LAMC1: variants seen among roughly 807,000 people sequenced by gnomAD.
LAMC1 encodes laminin subunit gamma-1.
Under a neutral mutation model 173.6 loss-of-function variants are expected in LAMC1, and 38 were observed. The ratio of observed to expected loss-of-function variants is 0.22; its 90% CI spans 0.17 to 0.29. The LOEUF (loss-of-function observed/expected upper bound fraction) is 0.29. Among genes scored for constraint, LAMC1 ranks in the 10% least tolerant of loss-of-function variants. The pLI is 1.00. For missense variants in LAMC1, 1,824 were observed against 2,051.8 expected (o/e 0.89, Z 2.14); for synonymous variants, 746 against 749.1 (o/e 1.00, Z 0.07).
rs1332993525 is a variant in LAMC1 at position 183,023,786 on chromosome 1, C to T, written c.70C>T (p.Leu24=). ...GCGGCTCTGGCCCGTGCTGGCCGTG[C>T]TGGCGGCGGCCGCCGCGGCGGGCTG... The part of the protein sequence containing the change: ...RGRLWPVLAV[L]AAAAAAGCAQ... Residue 24 remains leucine, a synonymous_variant, in exon 1 of 28, where the codon CTG becomes TTG. Transcript: ENST00000258341. The T allele has an allele frequency of 6.8e-7, 1 of 1,476,602 alleles. No homozygotes were observed. The highest frequency in any genetic ancestry group is 2.5e-5 in the Admixed American group (1 of 39,640). The allele number at this position is 1,476,602 out of a possible 1,614,324, so 91.5% of individuals were successfully genotyped here.
intron 26 of LAMC1, among the ~76,000 whole-genome samples, chr1:183,139,514 C>T (rs1048556265): frequency 6.6e-6 from 1 of 152,192 alleles, no homozygotes; most frequent in African/African-American, 2.4e-5. Context: ...AGGACAGCTG[C>T]CGTTTGGACA....
rs1224188506 is a variant in LAMC1, at chr1:183,098,968, C to T, written c.419-4360C>T. On this transcript the variant is annotated intron_variant, in intron 1 of 27. Transcript: ENST00000258341. ...AACAAAAAAGAAAAGAAAAGTCTTT[C>T]CTTGGCCCTGTAACCCTTCCAAATA... is the stretch of plus-strand genomic sequence containing the variant. Among the ~76,000 whole-genome samples the T allele has an allele frequency of 2.0e-5, 3 of 152,292 alleles. No individual in the cohort carries two copies. In the East Asian group the frequency reaches 5.8e-4, roughly 29 times the overall value.
At chr1:183,097,223 G>A (rs896684520) in intron 1 of LAMC1, among the ~76,000 whole-genome samples, 1 of 152,206 alleles carries the variant, frequency 6.6e-6, no homozygotes, top group African/African-American at 2.4e-5. Context: ...TACTGTTTGT[G>A]TTAACTGTTT....
intron 1 of LAMC1, among the ~76,000 whole-genome samples, chr1:183,081,074 A>G (rs1042708849): frequency 6.6e-6 from 1 of 151,624 alleles, no homozygotes. Flanking sequence ...TTCTTAGTAG[A>G]GATGGGATTT....
intron 22 of LAMC1, 97 bp from the exon 23 acceptor site, chr1:183,134,563 A>G: frequency 1.1e-6 from 1 of 932,102 alleles, no homozygotes; most frequent in Non-Finnish European, 1.6e-6. Flanking sequence ...TTTTAAAAAT[A>G]TCATTGAGTA....
intron 1 of LAMC1, among the ~76,000 whole-genome samples, chr1:183,071,553 C>T (rs902108443): frequency 9.1e-6 from 1 of 109,520 alleles, no homozygotes; most frequent in African/African-American, 3.0e-5. Flanking sequence ...AGTTTGTGGT[C>T]ATTTGGGACA....
In LAMC1 at chr1:183,103,507, G is replaced by A. The variant is rs754467490; in HGVS notation, c.598G>A (p.Glu200Lys). The change falls in exon 2 of 28, where the codon GAG becomes AAG. Residue 200 changes from glutamate to lysine, a missense_variant. By Grantham distance (56) the Glu-to-Lys change is moderately conservative. Transcript: ENST00000258341. ...NRGFIRTGGDEQQALCTDEFS... is the reference protein window; with the variant it reads ...NRGFIRTGGDKQQALCTDEFS... ...CGGCTTCATCAGGACAGGAGGGGAC[G>A]AGCAGCAGGCCTTGTGTACTGATGA... 1.4e-5 allele frequency: 22 copies of A among 1,614,064 alleles called. No homozygotes were observed. The South Asian group carries it at 1.4e-4, about 10-fold the overall frequency.
intron 1 of LAMC1, among the ~76,000 whole-genome samples, chr1:183,102,100 G>A (rs1240062276): frequency 2.0e-5 from 3 of 152,156 alleles, no homozygotes; most frequent in Non-Finnish European, 4.4e-5. Context: ...AGAGGAGAGA[G>A]GGGGACTCCA....
At chr1:183,103,237 C>T (rs565186509) in intron 1 of LAMC1, 91 bp from the exon 2 acceptor site, 1 of 1,200,744 alleles carries the variant, frequency 8.3e-7, no homozygotes, top group African/African-American at 1.5e-5. Context: ...AGATTTATAT[C>T]CTTTGTCAAG....
At chr1:183,108,438 G>T (rs1437296831) in intron 3 of LAMC1, 32 bp downstream of exon 3, 1 of 1,596,882 alleles carries the variant, frequency 6.3e-7, no homozygotes. Context: ...TCTTGAAAGT[G>T]TTTGGAGCTT....
intron 1 of LAMC1, among the ~76,000 whole-genome samples, chr1:183,069,178 C>T (rs1046534148): frequency 6.6e-6 from 1 of 152,136 alleles, no homozygotes; most frequent in Non-Finnish European, 1.5e-5. Flanking sequence ...ATTGTCAGGA[C>T]TCTGGGTCCA....
intron 1 of LAMC1, among the ~76,000 whole-genome samples, chr1:183,094,698 A>G (rs1247103877): frequency 6.6e-6 from 1 of 152,216 alleles, no homozygotes; most frequent in Non-Finnish European, 1.5e-5. Context: ...AGTATGTAAG[A>G]TATCTTATGG....
intron 1 of LAMC1, among the ~76,000 whole-genome samples, chr1:183,063,120 A>T (rs903537150): frequency 5.3e-5 from 8 of 152,196 alleles, no homozygotes; most frequent in Non-Finnish European, 1.0e-4. Context: ...TGTACCTTGT[A>T]ATATTTTAAG....
chr1:183,056,002 G>T (rs1654584224), intron 1 of LAMC1, among the ~76,000 whole-genome samples: 1 of 152,190 alleles, frequency 6.6e-6, no homozygotes, highest in African/African-American at 2.4e-5. Flanking sequence ...TATGGAATAA[G>T]AATCAAGTGG....
intron 25 of LAMC1, among the ~76,000 whole-genome samples, chr1:183,137,139 A>G (rs1026576726): frequency 6.6e-6 from 1 of 152,192 alleles, no homozygotes; most frequent in African/African-American, 2.4e-5. Flanking sequence ...GCAATTTTAG[A>G]ATTAGGTATT....
intron 1 of LAMC1, among the ~76,000 whole-genome samples, chr1:183,072,579 A>G (rs949080806): frequency 1.3e-5 from 2 of 152,146 alleles, no homozygotes; most frequent in African/African-American, 4.8e-5. Flanking sequence ...TGATTAATGA[A>G]TGTCTTTTGG....
intron 1 of LAMC1, among the ~76,000 whole-genome samples, chr1:183,060,325 G>C (rs1259680117): frequency 6.6e-6 from 1 of 151,616 alleles, no homozygotes; most frequent in Non-Finnish European, 1.5e-5. Context: ...GGCTGAGGCA[G>C]GAGGATTGCT....
At chr1:183,100,067 C>G (rs1319392718) in intron 1 of LAMC1, among the ~76,000 whole-genome samples, 1 of 152,176 alleles carries the variant, frequency 6.6e-6, no homozygotes, top group Non-Finnish European at 1.5e-5. Context: ...AAACAGGGTA[C>G]TAACAGCGAC....
At chr1:183,130,144 G>T (rs556997788) in intron 18 of LAMC1, among the ~76,000 whole-genome samples, 200 bp from the exon 19 acceptor site, 1 of 152,146 alleles carries the variant, frequency 6.6e-6, no homozygotes, top group African/African-American at 2.4e-5. Flanking sequence ...ATGGACGCAC[G>T]GTTGGAGGTG....
Sources: allele counts gnomAD v4.1 joint callset (sites outside exome capture counted in the v4.1 genomes callset), GRCh38; gene constraint gnomAD v4.1.1; transcripts MANE v1.5; gene names NCBI Gene and HGNC (gene_info 2026-07-23, HGNC 2026-07-21).